Variants in ST7 observed in about 807,000 individuals in gnomAD.
The protein encoded by ST7 is suppressor of tumorigenicity 7 protein.
A neutral mutation model predicts 78.7 loss-of-function variants in ST7; 28 were observed. The observed-to-expected ratio is 0.36, with a 90% CI of 0.26 to 0.49. The LOEUF is 0.49. Ranked by LOEUF, ST7 falls within the 20% of genes least tolerant of loss-of-function variation. The pLI is 0.99. For missense variants in ST7, 418 were observed against 696.0 expected, an observed-to-expected ratio of 0.60 and a Z score of 4.49; for synonymous variants, 247 against 249.6, an observed-to-expected ratio of 0.99 and a Z score of 0.10.
intron 9 of ST7, among the ~76,000 whole-genome samples, chr7:117,142,912 G>C (rs1805445826): frequency 6.6e-6 from 1 of 152,088 alleles, no homozygotes. Flanking sequence ...GCCTGGCCCA[G>C]ACATCGGGTT....
intron 1 of ST7, among the ~76,000 whole-genome samples, chr7:117,065,334 G>A (rs763717613): frequency 1.1e-4 from 16 of 151,574 alleles, no homozygotes; most frequent in South Asian, 2.1e-4. Flanking sequence ...TCAGCCTCCC[G>A]GGTAGCTGGG....
At chr7:117,170,129 C>T (rs565244902) in intron 9 of ST7, among the ~76,000 whole-genome samples, 8 of 152,166 alleles carry the variant, frequency 5.3e-5, no homozygotes, top group Admixed American at 1.3e-4. Flanking sequence ...ATCCAAATTG[C>T]TGTTGGCAAA....
chr7:117,056,110 G>A (rs1798050618), intron 1 of ST7, among the ~76,000 whole-genome samples: 1 of 152,132 alleles, frequency 6.6e-6, no homozygotes, highest in Non-Finnish European at 1.5e-5. Context: ...GATTAAGGGT[G>A]AGTCTGCCTT....
chr7:117,023,005 C>A (rs970974068), intron 1 of ST7: 4 of 152,162 alleles, frequency 2.6e-5, no homozygotes, highest in Admixed American at 2.0e-4. Context: ...AAAAGGTAAC[C>A]ACTATTCTGA....
intron 1 of ST7, among the ~76,000 whole-genome samples, chr7:116,998,564 A>C (rs1008256469): frequency 7.2e-5 from 11 of 152,260 alleles, no homozygotes; most frequent in Non-Finnish European, 1.5e-5. Context: ...ACCTCTCAGA[A>C]TGAGGAGTTC....
chr7:117,223,014 G>C, intron 15 of ST7: 1 of 1,473,612 alleles, frequency 6.8e-7, no homozygotes, highest in Non-Finnish European at 9.5e-7. Context: ...CACCAAAACT[G>C]CTCCTCCTCC....
At chr7:116,998,602 T>A (rs1794789188) in intron 1 of ST7, among the ~76,000 whole-genome samples, 1 of 152,274 alleles carries the variant, frequency 6.6e-6, no homozygotes, top group South Asian at 2.1e-4. Flanking sequence ...TAACTTTGTT[T>A]AATCCAGAAA....
chr7:117,009,869 T>A (rs1431250174), intron 1 of ST7, among the ~76,000 whole-genome samples: 1 of 152,024 alleles, frequency 6.6e-6, no homozygotes, highest in African/African-American at 2.4e-5. Context: ...AAGAAGGGAG[T>A]GGCCCTACAA....
chr7:117,027,762 A>G (rs908240406), intron 1 of ST7, among the ~76,000 whole-genome samples: 26 of 152,226 alleles, frequency 1.7e-4, no homozygotes, highest in African/African-American at 5.3e-4. Context: ...TCTGTGTCAC[A>G]TTATGGTTCT....
intron 9 of ST7, among the ~76,000 whole-genome samples, chr7:117,156,868 C>T (rs1563128419): frequency 6.6e-6 from 1 of 152,008 alleles, no homozygotes; most frequent in Non-Finnish European, 1.5e-5. Context: ...GTGAGATAAC[C>T]GGAGAGCAGT....
chr7:116,983,236 C>G (rs1247952706), intron 1 of ST7, among the ~76,000 whole-genome samples: 2 of 152,190 alleles, frequency 1.3e-5, no homozygotes, highest in Non-Finnish European at 2.9e-5. Context: ...ATCTATCTCT[C>G]TTGAAATTAT....
At chr7:117,054,436 G>A (rs938787958) in intron 1 of ST7, among the ~76,000 whole-genome samples, 6 of 152,216 alleles carry the variant, frequency 3.9e-5, no homozygotes, top group Non-Finnish European at 7.3e-5. Context: ...GACACAATGC[G>A]TCGCACATGC....
At chr7:117,225,284 A>G (rs1220072540) in intron 15 of ST7, among the ~76,000 whole-genome samples, 1 of 152,198 alleles carries the variant, frequency 6.6e-6, no homozygotes, top group Non-Finnish European at 1.5e-5. Context: ...ATGATTGAAT[A>G]AAATAGAAAT....
At chr7:117,195,647 AG>A (rs1265278794) in intron 12 of ST7, among the ~76,000 whole-genome samples, 1 of 152,154 alleles carries the variant, frequency 6.6e-6, no homozygotes, top group African/African-American at 2.4e-5. Flanking sequence ...AAGGAGAAAA[AG>A]CCCCTTATAA....
intron 11 of ST7, 40 bp downstream of exon 11, chr7:117,189,433 G>A (rs373256132): frequency 4.2e-5 from 63 of 1,494,442 alleles, no homozygotes; most frequent in African/African-American, 8.3e-5. Flanking sequence ...ATGCCTGACC[G>A]GAATTGAGAT....
intron 1 of ST7, among the ~76,000 whole-genome samples, chr7:117,051,275 A>G (rs1181133705): frequency 1.3e-5 from 2 of 152,222 alleles, no homozygotes; most frequent in Non-Finnish European, 2.9e-5. Context: ...GTATTTACCT[A>G]ATAGGGTGCA....
At chr7:116,981,125 T>TA (rs1371428618) in intron 1 of ST7, among the ~76,000 whole-genome samples, 2 of 152,082 alleles carry the variant, frequency 1.3e-5, no homozygotes, top group Non-Finnish European at 2.9e-5. Flanking sequence ...TTTTTTTTTT[T>TA]AAATAGACAA....
At chr7:116,976,274 TAAC>T (rs755664693) in intron 1 of ST7, among the ~76,000 whole-genome samples, 2 of 151,712 alleles carry the variant, frequency 1.3e-5, no homozygotes, top group Admixed American at 6.6e-5. Context: ...ACAACAACAA[TAAC>T]AACAACAACA....
At chr7:117,031,821 T>TGTGTATATATATG (rs1487644768) in intron 1 of ST7, among the ~76,000 whole-genome samples, 172 of 7,992 alleles carry the variant, frequency 0.022, 29 homozygotes, top group Middle Eastern at 0.062. Context: ...TATGCATATA[T>TGTGTATATATATG]CTATATCTAT....
Sources: allele counts gnomAD v4.1 joint callset (sites outside exome capture counted in the v4.1 genomes callset), GRCh38; gene constraint gnomAD v4.1.1; transcripts MANE v1.5; gene names NCBI Gene and HGNC (gene_info 2026-07-23, HGNC 2026-07-21).